Variants in NEGR1 observed in about 807,000 individuals in gnomAD.
The protein encoded by NEGR1 is IgLON family member 4.
In NEGR1, 10 loss-of-function variants were observed where a neutral mutation model predicts 40.9. The observed-to-expected ratio is 0.24, with a 90% CI of 0.15 to 0.42. NEGR1 has a LOEUF of 0.42. Ranked by LOEUF, NEGR1 falls within the 10% of genes least tolerant of loss-of-function variation. The pLI is 1.00. For synonymous variants in NEGR1, 185 were observed against 166.8 expected (o/e 1.11, Z -0.84); for missense variants, 352 against 438.9 (o/e 0.80, Z 1.77).
chr1:72,104,418 G>C lies in NEGR1; in HGVS notation c.177-169107C>G, dbSNP rs183255891. On this transcript the variant is annotated intron_variant, in intron 1 of 6. Coordinates refer to ENST00000357731, the MANE Select transcript of NEGR1 (RefSeq NM_173808.3). ...GACGTGATTGCTGGATTTTAGGATG[G>C]AAGAGAGCTGTGAGCCAAAAAACAT... Among the ~76,000 whole-genome samples, 97 of 152,184 alleles carry C rather than the reference G, an allele frequency of 6.4e-4. 1 individual carries two copies. The highest frequency in any genetic ancestry group is 1.2e-3 in the East Asian group (6 of 5,160).
chr1:71,733,104 T>C (rs1188621155), intron 3 of NEGR1, among the ~76,000 whole-genome samples: 1 of 151,276 alleles, frequency 6.6e-6, no homozygotes, highest in African/African-American at 2.4e-5. Flanking sequence ...GATCATCTAC[T>C]GGAATTATTA....
At chr1:72,151,633 G>A (rs909708284) in intron 1 of NEGR1, among the ~76,000 whole-genome samples, 2 of 151,734 alleles carry the variant, frequency 1.3e-5, no homozygotes, top group African/African-American at 2.4e-5. Flanking sequence ...TTCAGTCAAT[G>A]CAATAAGAGA....
chr1:72,234,026 G>C (rs1654467001), intron 1 of NEGR1, among the ~76,000 whole-genome samples: 1 of 152,052 alleles, frequency 6.6e-6, no homozygotes, highest in Non-Finnish European at 1.5e-5. Flanking sequence ...GTGCAGGTTT[G>C]TTGCATAGGT....
intron 4 of NEGR1, among the ~76,000 whole-genome samples, chr1:71,614,428 C>T (rs1459868054): frequency 6.6e-6 from 1 of 151,984 alleles, no homozygotes; most frequent in Non-Finnish European, 1.5e-5. Flanking sequence ...TTCATGTCAC[C>T]TGCAAAAGCC....
At chr1:71,756,243 C>T (rs1465602909) in intron 3 of NEGR1, among the ~76,000 whole-genome samples, 2 of 152,024 alleles carry the variant, frequency 1.3e-5, no homozygotes, top group Non-Finnish European at 2.9e-5. Context: ...AAAGTGTCAT[C>T]TAAGACTTTT....
intron 2 of NEGR1, among the ~76,000 whole-genome samples, chr1:71,798,695 T>A (rs1557656321): frequency 6.6e-6 from 1 of 151,870 alleles, no homozygotes; most frequent in Non-Finnish European, 1.5e-5. Flanking sequence ...AAACCTAATA[T>A]TTTTTTTCCT....
chr1:71,828,424 C>T (rs1658719593), intron 2 of NEGR1, among the ~76,000 whole-genome samples: 1 of 151,880 alleles, frequency 6.6e-6, no homozygotes. Context: ...ATTTTAGGTT[C>T]CTGGGAGCAA....
chr1:71,849,326 T>A (rs1173981898), intron 2 of NEGR1, among the ~76,000 whole-genome samples: 1 of 152,104 alleles, frequency 6.6e-6, no homozygotes. Context: ...AAGACTTCAG[T>A]GGAGAAAGTA....
intron 1 of NEGR1, among the ~76,000 whole-genome samples, chr1:72,137,274 C>T (rs544887643): frequency 4.9e-4 from 74 of 152,220 alleles, no homozygotes; most frequent in African/African-American, 1.6e-3. Context: ...ATAAATCATT[C>T]CACTGTAAAG....
chr1:72,076,324 T>C (rs1303315659), intron 1 of NEGR1, among the ~76,000 whole-genome samples: 1 of 152,110 alleles, frequency 6.6e-6, no homozygotes, highest in East Asian at 1.9e-4. Context: ...ATAGTGCAAA[T>C]ACAGCCATTT....
chr1:72,169,138 G>A (rs899983114), intron 1 of NEGR1, among the ~76,000 whole-genome samples: 5 of 152,050 alleles, frequency 3.3e-5, no homozygotes, highest in African/African-American at 1.2e-4. Context: ...ATGATAATTA[G>A]TTGGAAAATT....
chr1:71,901,573 C>T (rs1286185316), intron 2 of NEGR1, among the ~76,000 whole-genome samples: 4 of 151,832 alleles, frequency 2.6e-5, no homozygotes, highest in Non-Finnish European at 2.9e-5. Context: ...AAAATGGGCC[C>T]CTGGGGTTAG....
intron 1 of NEGR1, among the ~76,000 whole-genome samples, chr1:72,157,873 C>T (rs919614529): frequency 1.3e-5 from 2 of 152,090 alleles, no homozygotes; most frequent in Non-Finnish European, 2.9e-5. Context: ...CTGCTGCATA[C>T]CTACTTAAGA....
intron 3 of NEGR1, among the ~76,000 whole-genome samples, chr1:71,731,815 A>G (rs1654880759): frequency 6.6e-6 from 1 of 152,196 alleles, no homozygotes; most frequent in African/African-American, 2.4e-5. Context: ...AAAACTGTCA[A>G]GATTTAGTTT....
At chr1:71,833,263 G>A (rs996362792) in intron 2 of NEGR1, among the ~76,000 whole-genome samples, 8 of 151,884 alleles carry the variant, frequency 5.3e-5, no homozygotes, top group Admixed American at 2.0e-4. Context: ...TTTGCACCTG[G>A]CAGTAACAAG....
chr1:71,878,851 G>C (rs1660504857), intron 2 of NEGR1, among the ~76,000 whole-genome samples: 1 of 152,078 alleles, frequency 6.6e-6, no homozygotes, highest in African/African-American at 2.4e-5. Context: ...GATATATCTG[G>C]GTTGATGAAA....
intron 1 of NEGR1, among the ~76,000 whole-genome samples, chr1:72,230,792 G>A (rs2100497592): frequency 6.6e-6 from 1 of 152,186 alleles, no homozygotes; most frequent in Non-Finnish European, 1.5e-5. Context: ...GCACGCTCTT[G>A]TTTTAGCCTC....
At chr1:71,978,336 T>C (rs567184611) in intron 1 of NEGR1, among the ~76,000 whole-genome samples, 62 of 152,290 alleles carry the variant, frequency 4.1e-4, no homozygotes, top group African/African-American at 1.4e-3. Context: ...ATTTAAGAAG[T>C]CTTTTCTTTA....
chr1:71,456,583 C>G (rs1402636216), intron 6 of NEGR1, among the ~76,000 whole-genome samples: 1 of 152,116 alleles, frequency 6.6e-6, no homozygotes, highest in Non-Finnish European at 1.5e-5. Context: ...TCATTTTTTT[C>G]TTCCCCGCAA....
Sources: gnomAD v4.1 joint callset for allele counts (sites outside exome capture counted in the v4.1 genomes callset) on GRCh38, gnomAD v4.1.1 for gene constraint, MANE v1.5 for transcripts, NCBI Gene and HGNC (gene_info 2026-07-23, HGNC 2026-07-21) for gene names.